The following TMPRSS2 variants were observed in gnomAD, a reference collection of about 807,000 sequenced individuals.
TMPRSS2 encodes the protein transmembrane protease serine 2.
A neutral mutation model predicts 67.4 loss-of-function variants in TMPRSS2; 59 were observed. The observed-to-expected ratio is 0.88, with a 90% CI of 0.71 to 1.09. The LOEUF (loss-of-function observed/expected upper bound fraction) is 1.09, where lower values mean the gene tolerates loss of function less well. TMPRSS2 is among the 50% of genes least tolerant of loss of function. The pLI is 0.00. For missense variants in TMPRSS2, 668 were observed against 642.7 expected, an observed-to-expected ratio of 1.04 and a Z score of -0.43; for synonymous variants, 257 against 257.0, an observed-to-expected ratio of 1.00 and a Z score of 0.00.
chr21:41,480,621 T>C lies in TMPRSS2; in HGVS notation c.446-19A>G, dbSNP rs2091249567. ...AGGCGAACTGCACGAGAGGGAGGATTATCCATGAGTTTCTTTCTTTTTTTT... is the reference window on the plus strand; with the variant it reads ...AGGCGAACTGCACGAGAGGGAGGATCATCCATGAGTTTCTTTCTTTTTTTT... On this transcript the variant is annotated intron_variant, in intron 5 of 13. Coordinates refer to ENST00000332149, the MANE Select transcript of TMPRSS2 (RefSeq NM_005656.4). 1 of 1,613,100 alleles carries C rather than the reference T, an allele frequency of 6.2e-7. No individual in the cohort carries two copies. Among genetic ancestry groups the C allele is most frequent in the African/African-American group, 1.3e-5 (1 of 74,914 alleles).
intron 8 of TMPRSS2, among the ~76,000 whole-genome samples, chr21:41,475,974 CA>C (rs2091209360): frequency 6.6e-6 from 1 of 152,008 alleles, no homozygotes; most frequent in African/African-American, 2.4e-5. Flanking sequence ...ACCACGGCCC[CA>C]CGACAGCACT....
At chr21:41,467,266 G>A (rs1384969429) in intron 13 of TMPRSS2, among the ~76,000 whole-genome samples, 1 of 152,058 alleles carries the variant, frequency 6.6e-6, no homozygotes, top group Non-Finnish European at 1.5e-5. Flanking sequence ...GCGCATGCCT[G>A]TAGTCCCAGC....
At chr21:41,470,875 C>T (rs1239152180) in intron 10 of TMPRSS2, 132 bp from the exon 11 acceptor site, 1 of 600,772 alleles carries the variant, frequency 1.7e-6, no homozygotes, top group African/African-American at 1.8e-5. Context: ...CCCAACAAGT[C>T]CCACATTCTC....
rs2091452639 is a variant in TMPRSS2 at position 41,505,642 on chromosome 21, G to A, written c.-57+2439C>T. ...GAGCCCAGGTAGGGCTGTGGGCAGG[G>A]GCTGGGCTCTTTCAGGTCGGGGAGA... On this transcript the variant is annotated intron_variant, in intron 1 of 13. Transcript: ENST00000332149. Among the ~76,000 whole-genome samples, 3 of 152,186 alleles carry A rather than the reference G, an allele frequency of 2.0e-5. No homozygotes were observed. In the South Asian group the frequency reaches 6.2e-4, roughly 32 times the overall value.
At position 41,480,293 on chromosome 21, in the gene TMPRSS2, T is replaced by C. The variant is rs546790067; in HGVS notation, c.572+183A>G. On this transcript the variant is annotated intron_variant, in intron 6 of 13. Transcript: ENST00000332149. ...GGCAAGGTGGCAGTGAGCCAAGGTCTGTGTGCTGGGCACAGCCCTAGCAGG... is the reference window on the plus strand; with the variant it reads ...GGCAAGGTGGCAGTGAGCCAAGGTCCGTGTGCTGGGCACAGCCCTAGCAGG... 1.1e-4 allele frequency among the ~76,000 whole-genome samples: 17 copies of C among 152,388 alleles called. No homozygotes were observed. In the East Asian group the frequency reaches 2.7e-3, roughly 24 times the overall value.
Position 41,494,344 on chromosome 21 carries a change from A to G in TMPRSS2, c.238+12T>C, listed in dbSNP as rs779945961. ...GGTTTATTACAGGAAATAAACACAA[A>G]GAGAATCCTACTTGAGGTGCACACT... On this transcript the variant is annotated intron_variant, in intron 3 of 13. Transcript: ENST00000332149. 1.9e-6 allele frequency: 3 copies of G among 1,611,448 alleles called. No individual in the cohort carries two copies. The highest frequency in any genetic ancestry group is 2.5e-6 in the Non-Finnish European group (3 of 1,179,382).
At chr21:41,471,704 C>A in intron 10 of TMPRSS2, 102 bp downstream of exon 10, 1 of 1,380,000 alleles carries the variant, frequency 7.2e-7, no homozygotes, top group South Asian at 1.4e-5. Flanking sequence ...CCTCGCTCAA[C>A]GCAAATGCCT....
intron 3 of TMPRSS2, 112 bp from the exon 4 acceptor site, chr21:41,489,705 A>G: frequency 1.5e-6 from 1 of 667,734 alleles, no homozygotes; most frequent in Non-Finnish European, 2.5e-6. Context: ...ATTATTTCAT[A>G]TACACTTAAA....
chr21:41,490,678 C>T (rs1266169667), intron 3 of TMPRSS2, among the ~76,000 whole-genome samples: 1 of 152,248 alleles, frequency 6.6e-6, no homozygotes, highest in Non-Finnish European at 1.5e-5. Flanking sequence ...CCAAAAGTCA[C>T]ACAGAGTTCA....
At chr21:41,470,789 A>AAGGCCTCGGGC (rs11267899) in intron 10 of TMPRSS2, 46 bp from the exon 11 acceptor site, 2 of 1,529,176 alleles carry the variant, frequency 1.3e-6, no homozygotes, top group East Asian at 2.3e-5. Context: ...GGTATCACCT[A>AAGGCCTCGGGC]TGTCTCCACC....
intron 7 of TMPRSS2, 35 bp from the exon 8 acceptor site, chr21:41,476,655 A>C: frequency 6.3e-7 from 1 of 1,588,424 alleles, no homozygotes; most frequent in Non-Finnish European, 8.6e-7. Context: ...TGGTCACGAT[A>C]GTGCGGAGTC....
chr21:41,506,805 C>T (rs534312135), intron 1 of TMPRSS2, among the ~76,000 whole-genome samples: 2 of 152,332 alleles, frequency 1.3e-5, no homozygotes, highest in Non-Finnish European at 2.9e-5. Context: ...GCTGCGTAGC[C>T]TTTGTAATTT....
intron 13 of TMPRSS2, 106 bp from the exon 14 acceptor site, chr21:41,466,259 G>A: frequency 8.9e-7 from 1 of 1,127,792 alleles, no homozygotes. Flanking sequence ...AACCAAATAA[G>A]CAAGCTTAAT....
rs564806692 is a variant in TMPRSS2, at chr21:41,494,602, AT to A, written c.16-25del. On this transcript the variant is annotated intron_variant, in intron 2 of 13. Transcript: ENST00000332149. ...CCCTAAACAGTTGAAAAGAAGATGAATAATATAAAACTCTTATTTGCACTAA... is the reference window on the plus strand; with the variant it reads ...CCCTAAACAGTTGAAAAGAAGATGAAAATATAAAACTCTTATTTGCACTAA... 597 of 1,605,146 alleles carry A rather than the reference AT, an allele frequency of 3.7e-4. 11 individuals carry two copies. In the South Asian group the frequency reaches 5.0e-3, roughly 14 times the overall value.
chr21:41,498,551 G>T (rs1171828813), intron 1 of TMPRSS2, among the ~76,000 whole-genome samples: 1 of 152,164 alleles, frequency 6.6e-6, no homozygotes, highest in Non-Finnish European at 1.5e-5. Context: ...GACTGCCTGG[G>T]GCTCAAGGCC....
intron 9 of TMPRSS2, 118 bp downstream of exon 9, chr21:41,473,207 C>T (rs1016987689): frequency 2.5e-6 from 3 of 1,209,340 alleles, no homozygotes; most frequent in Admixed American, 2.6e-5. Context: ...AGGTGCAATA[C>T]TCTCCCCATT....
intron 2 of TMPRSS2, among the ~76,000 whole-genome samples, chr21:41,495,657 G>A (rs1225412175): frequency 1.3e-5 from 2 of 149,640 alleles, no homozygotes; most frequent in Non-Finnish European, 3.0e-5. Context: ...TATGAAAACA[G>A]TCAAGACAAG....
In TMPRSS2 at chr21:41,470,679, C is replaced by T. The variant is rs778628616; in HGVS notation, c.1140G>A (p.Trp380Ter). The change falls in exon 11 of 14, where the codon TGG (tryptophan) becomes TGA (stop). Residue 380 changes from tryptophan (W) to a stop codon, truncating the protein, a stop_gained. Transcript: ENST00000332149. LOFTEE classifies it high-confidence loss of function. ...CCTCGGTGGCCCCCCACCCGGAAAT[C>T]CAGCAGAGCTGTTCTGGCTGCAGCA... ...GMMLQPEQLC[W>*]ISGWGATEEK... 1.2e-6 allele frequency: 2 copies of T among 1,613,614 alleles called. No individual in the cohort carries two copies. The highest frequency in any genetic ancestry group is 1.7e-6 in the Non-Finnish European group (2 of 1,179,966).
chr21:41,489,146 TG>T (rs1386624847), intron 4 of TMPRSS2, among the ~76,000 whole-genome samples: 1 of 152,134 alleles, frequency 6.6e-6, no homozygotes, highest in Non-Finnish European at 1.5e-5. Context: ...CCCAGGCTGA[TG>T]GGAAGGCTCA....
Sources: allele counts gnomAD v4.1 joint callset (sites outside exome capture counted in the v4.1 genomes callset), GRCh38; gene constraint gnomAD v4.1.1; transcripts MANE v1.5; gene names NCBI Gene and HGNC (gene_info 2026-07-23, HGNC 2026-07-21).